Variants in ZNF136 observed in about 807,000 individuals in gnomAD.
ZNF136 encodes zinc finger protein 136 (clone pHZ-20).
In ZNF136, 8 loss-of-function variants were observed where a neutral mutation model predicts 11.4. That is an observed-to-expected ratio of 0.70 (90% CI 0.41 to 1.27). The LOEUF (loss-of-function observed/expected upper bound fraction) is 1.27, where lower values mean the gene tolerates loss of function less well. Ranked by LOEUF, ZNF136 falls within the 50% of genes most tolerant of loss-of-function variation. ZNF136 has a pLI of 0.01. For missense variants in ZNF136, 590 were observed against 656.5 expected, an observed-to-expected ratio of 0.90 and a Z score of 1.11; for synonymous variants, 190 against 207.1, an observed-to-expected ratio of 0.92 and a Z score of 0.71.
At chr19:12,183,547 G>GAATCAATC (rs1396490770) in intron 1 of ZNF136, among the ~76,000 whole-genome samples, 109 of 139,272 alleles carry the variant, frequency 7.8e-4, no homozygotes, top group Middle Eastern at 3.7e-3. Context: ...TCACATAACT[G>GAATCAATC]AATCTATCTA....
intron 1 of ZNF136, among the ~76,000 whole-genome samples, chr19:12,171,001 A>G (rs1050432592): frequency 6.6e-6 from 1 of 151,942 alleles, no homozygotes; most frequent in East Asian, 1.9e-4. Context: ...ACGCCCGGCT[A>G]ATTTTGTTTT....
At chr19:12,178,078 A>G (rs1188867411) in intron 1 of ZNF136, among the ~76,000 whole-genome samples, 3 of 152,210 alleles carry the variant, frequency 2.0e-5, no homozygotes, top group Non-Finnish European at 4.4e-5. Context: ...CTGCACTCCA[A>G]TGTGGGTGTC....
intron 1 of ZNF136, chr19:12,169,402 C>T (rs1914578966): frequency 6.6e-6 from 1 of 152,158 alleles, no homozygotes; most frequent in Admixed American, 6.5e-5. Context: ...GTGAGTAGTG[C>T]TCTGCGGATT....
chr19:12,179,584 T>G (rs1302538066), intron 1 of ZNF136, among the ~76,000 whole-genome samples: 1 of 152,118 alleles, frequency 6.6e-6, no homozygotes, highest in Admixed American at 6.5e-5. Context: ...GTGCTGGGAT[T>G]ACAGGCGTGA....
At chr19:12,178,601 T>A (rs1307516861) in intron 1 of ZNF136, among the ~76,000 whole-genome samples, 2 of 152,236 alleles carry the variant, frequency 1.3e-5, no homozygotes, top group Non-Finnish European at 2.9e-5. Flanking sequence ...AATGTCTTTT[T>A]CATTTGCTGC....
rs1229463388 is a variant in ZNF136 at position 12,187,556 on chromosome 19, A to T, written c.1178A>T (p.Lys393Ile). 2.5e-6 allele frequency: 4 copies of T among 1,613,776 alleles called. No individual in the cohort carries two copies. The highest frequency in any genetic ancestry group is 1.7e-6 in the Non-Finnish European group (2 of 1,179,956). The change falls in exon 4 of 4, where the codon AAA becomes ATA. Residue 393 changes from lysine (K) to isoleucine (I), a missense_variant. Coordinates refer to ENST00000343979, the MANE Select transcript of ZNF136 (RefSeq NM_003437.5). ...AAACATACTGGAGAAGGACCTTATA[A>T]ATGTAAGGTATGTGGGAAACCCTTT... is the stretch of plus-strand genomic sequence containing the variant. ...MIKHTGEGPYKCKVCGKPFHS... is the reference protein window; with the variant it reads ...MIKHTGEGPYICKVCGKPFHS...
rs538143217 is a variant in ZNF136 at position 12,174,857 on chromosome 19, C to CTTTTTTTT, written c.4-10917_4-10910dup. On this transcript the variant is annotated intron_variant, in intron 1 of 3. Transcript: ENST00000343979. Reference sequence around the variant, plus strand: ...TCACCATGTTAGTCAGGATGGCTTTCTTTTTTTTTTTTTTTTTTGAGACGG... The same window carrying CTTTTTTTT: ...TCACCATGTTAGTCAGGATGGCTTTCTTTTTTTTTTTTTTTTTTTTTTTTTTGAGACGG... Among the ~76,000 whole-genome samples, 8 of 87,250 alleles carry CTTTTTTTT rather than the reference C, an allele frequency of 9.2e-5. 1 individual carries two copies. The highest frequency in any genetic ancestry group is 6.2e-4 in the East Asian group (2 of 3,204). 57.2% of individuals were successfully genotyped at this position (87,250 alleles called of 152,430 possible). A position where few individuals can be genotyped will look rare whatever the true frequency, so the allele number is the denominator to read the frequency against.
chr19:12,164,951 C>T (rs538464728), intron 1 of ZNF136: 4 of 152,286 alleles, frequency 2.6e-5, no homozygotes, highest in South Asian at 2.1e-4. Flanking sequence ...CATAGCCACG[C>T]GCTTATCAAT....
chr19:12,186,087 C>T, intron 2 of ZNF136, 27 bp from the exon 3 acceptor site: 1 of 1,601,876 alleles, frequency 6.2e-7, no homozygotes, highest in Non-Finnish European at 8.5e-7. Flanking sequence ...TGCACTAATT[C>T]AGAATTTTTC....
chr19:12,171,895 A>G (rs888504551), intron 1 of ZNF136, among the ~76,000 whole-genome samples: 51 of 151,780 alleles, frequency 3.4e-4, no homozygotes, highest in African/African-American at 1.2e-3. Flanking sequence ...CACTCTCCCT[A>G]CTGTCAAGTT....
At chr19:12,184,091 C>T (rs1189775436) in intron 1 of ZNF136, among the ~76,000 whole-genome samples, 2 of 151,138 alleles carry the variant, frequency 1.3e-5, no homozygotes, top group African/African-American at 4.9e-5. Flanking sequence ...CATGGTGAAA[C>T]CCCATCTCTA....
intron 1 of ZNF136, among the ~76,000 whole-genome samples, 198 bp downstream of exon 1, chr19:12,163,404 T>C (rs1180716323): frequency 2.0e-5 from 3 of 152,194 alleles, no homozygotes; most frequent in African/African-American, 7.2e-5. Flanking sequence ...GGCGTCCTCG[T>C]CCCGCCCTGT....
At chr19:12,179,428 A>C (rs1914885988) in intron 1 of ZNF136, among the ~76,000 whole-genome samples, 1 of 150,446 alleles carries the variant, frequency 6.6e-6, no homozygotes, top group Admixed American at 6.7e-5. Flanking sequence ...CTCCTGCCTC[A>C]CCCTCCTGAG....
intron 1 of ZNF136, among the ~76,000 whole-genome samples, chr19:12,169,836 C>G (rs1311556964): frequency 3.3e-5 from 5 of 151,736 alleles, no homozygotes; most frequent in African/African-American, 7.3e-5. Context: ...TCTCTGTCCC[C>G]CAGGCTGGAG....
At chr19:12,175,923 T>C (rs1914778712) in intron 1 of ZNF136, among the ~76,000 whole-genome samples, 1 of 152,208 alleles carries the variant, frequency 6.6e-6, no homozygotes, top group African/African-American at 2.4e-5. Flanking sequence ...AGTTGTTTCT[T>C]CCACTTAGTA....
At chr19:12,166,100 C>T (rs1349101018) in intron 1 of ZNF136, among the ~76,000 whole-genome samples, 2 of 151,800 alleles carry the variant, frequency 1.3e-5, no homozygotes, top group African/African-American at 4.8e-5. Context: ...TGGTGGTGGG[C>T]GCCTATAATC....
At chr19:12,170,015 C>CAATCTCCT (rs1914605731) in intron 1 of ZNF136, among the ~76,000 whole-genome samples, 1 of 149,630 alleles carries the variant, frequency 6.7e-6, no homozygotes, top group Non-Finnish European at 1.5e-5. Flanking sequence ...AGGGTGGTCT[C>CAATCTCCT]GATCTCCTGA....
At chr19:12,183,573 A>G (rs1216586697) in intron 1 of ZNF136, among the ~76,000 whole-genome samples, 1 of 150,702 alleles carries the variant, frequency 6.6e-6, no homozygotes, top group African/African-American at 2.4e-5. Context: ...CTATCTATCT[A>G]TCTATCTATC....
chr19:12,179,004 GAAAGAAAGAAAAAAAAA>G (rs1012688102), intron 1 of ZNF136, among the ~76,000 whole-genome samples: 1 of 143,070 alleles, frequency 7.0e-6, no homozygotes, highest in African/African-American at 2.6e-5. Context: ...AGAAAAAAAA[GAAAGAAAGAAAAAAAAA>G]AAAGAAAAAT....
Sources: gnomAD v4.1 joint callset for allele counts (sites outside exome capture counted in the v4.1 genomes callset) on GRCh38, gnomAD v4.1.1 for gene constraint, MANE v1.5 for transcripts, NCBI Gene and HGNC (gene_info 2026-07-23, HGNC 2026-07-21) for gene names.